The following DMD variants were observed in gnomAD, a reference collection of about 807,000 sequenced individuals.
DMD encodes mutant dystrophin.
DMD carries 63 observed loss-of-function variants against 330.1 expected under a neutral mutation model. That is an observed-to-expected ratio of 0.19 (90% CI 0.16 to 0.24). The LOEUF (loss-of-function observed/expected upper bound fraction) is 0.24. Ranked by LOEUF, DMD falls within the 10% of genes least tolerant of loss-of-function variation. The probability of loss-of-function intolerance (pLI) is 1.00; values close to 1 mark genes in which losing one functional copy is unlikely to be tolerated. For missense variants in DMD, 3,344 were observed against 2,684.1 expected (o/e 1.25, Z -5.43); for synonymous variants, 1,223 against 959.8 (o/e 1.27, Z -5.07).
intron 16 of DMD, among the ~76,000 whole-genome samples, chrX:32,555,427 G>T (rs2050190221): frequency 9.0e-6 from 1 of 111,647 alleles, no homozygotes; most frequent in South Asian, 3.8e-4. Context: ...CATAGTATTG[G>T]AAGTTCTGAC....
At chrX:31,137,867 C>G (rs1423815443) in intron 76 of DMD, among the ~76,000 whole-genome samples, 1 of 111,251 alleles carries the variant, frequency 9.0e-6, no homozygotes, top group African/African-American at 3.3e-5. Flanking sequence ...GCTTTAAGAA[C>G]TGGAGGGTAT....
At chrX:32,117,992 G>A (rs1361748826) in intron 44 of DMD, among the ~76,000 whole-genome samples, 1 of 110,801 alleles carries the variant, frequency 9.0e-6, no homozygotes, top group Non-Finnish European at 1.9e-5. Flanking sequence ...TCAAGTTCAC[G>A]TAAGGCTTAT....
intron 29 of DMD, among the ~76,000 whole-genome samples, chrX:32,437,033 C>A (rs1182618980): frequency 8.9e-6 from 1 of 111,813 alleles, no homozygotes; most frequent in Non-Finnish European, 1.9e-5. Context: ...GATGCAACTG[C>A]TGTCTCCTAC....
chrX:32,113,066 T>G (rs2096595750), intron 44 of DMD, among the ~76,000 whole-genome samples: 1 of 112,800 alleles, frequency 8.9e-6, no homozygotes. Flanking sequence ...CTCAACTATC[T>G]CAATATTGTG....
chrX:33,094,512 G>T (rs758635136), intron 1 of DMD, among the ~76,000 whole-genome samples: 45 of 111,840 alleles, frequency 4.0e-4, no homozygotes, highest in African/African-American at 1.4e-3. Context: ...ATATATTTAA[G>T]AAAGAGCAAG....
chrX:31,546,181 A>T (rs1288165808), intron 55 of DMD, among the ~76,000 whole-genome samples: 1 of 112,741 alleles, frequency 8.9e-6, no homozygotes, highest in Non-Finnish European at 1.9e-5. Context: ...AATATTTATG[A>T]GTACTTAATT....
chrX:33,112,203 T>C (rs2095344584), intron 1 of DMD, among the ~76,000 whole-genome samples: 2 of 111,017 alleles, frequency 1.8e-5, no homozygotes, highest in Non-Finnish European at 3.8e-5. Context: ...GTTATAATTG[T>C]TCTAATATTA....
chrX:31,724,234 T>C (rs1436739643), intron 52 of DMD, among the ~76,000 whole-genome samples: 2 of 112,342 alleles, frequency 1.8e-5, no homozygotes, highest in Non-Finnish European at 3.8e-5. Flanking sequence ...GAGAGGAAGA[T>C]ACTGGCTGGC....
At chrX:31,464,803 C>T (rs2066743627) in intron 59 of DMD, among the ~76,000 whole-genome samples, 1 of 112,572 alleles carries the variant, frequency 8.9e-6, no homozygotes, top group South Asian at 3.7e-4. Context: ...AGTAGGACAA[C>T]TTAATTCAGA....
At chrX:32,859,449 C>T (rs1030379660) in intron 2 of DMD, among the ~76,000 whole-genome samples, 4 of 95,299 alleles carry the variant, frequency 4.2e-5, no homozygotes, top group Admixed American at 1.2e-4. Flanking sequence ...GCCTTTGTGA[C>T]GAAGCAAGAT....
chrX:31,435,635 G>A (rs1281254922), intron 60 of DMD: 1 of 111,768 alleles, frequency 8.9e-6, no homozygotes, highest in Non-Finnish European at 1.9e-5. Flanking sequence ...CTTCTCATGT[G>A]GCCTGAAAGG....
chrX:32,511,771 A>G, intron 18 of DMD, among the ~76,000 whole-genome samples: 1 of 111,134 alleles, frequency 9.0e-6, no homozygotes, highest in Non-Finnish European at 1.9e-5. Flanking sequence ...GTCTACATGC[A>G]TATACATTTT....
chrX:32,408,029 C>T (rs866333188), intron 30 of DMD, among the ~76,000 whole-genome samples: 9 of 107,660 alleles, frequency 8.4e-5, no homozygotes, highest in African/African-American at 2.0e-4. Flanking sequence ...TGTTAAATGA[C>T]GAGTTAATGG....
At chrX:32,848,303 G>A (rs769073216) in intron 3 of DMD, among the ~76,000 whole-genome samples, 8 of 111,938 alleles carry the variant, frequency 7.1e-5, no homozygotes, top group African/African-American at 2.6e-4. Flanking sequence ...GAGATACACA[G>A]ACACACTGAT....
At chrX:31,266,210 C>CG (rs201174077) in intron 62 of DMD, among the ~76,000 whole-genome samples, 45 of 91,584 alleles carry the variant, frequency 4.9e-4, no homozygotes, top group African/African-American at 2.0e-3. Flanking sequence ...ATCCCCACCC[C>CG]CTGAAATCTT....
chrX:31,183,027 G>C, intron 67 of DMD, 123 bp from the exon 68 acceptor site: 1 of 625,423 alleles, frequency 1.6e-6, no homozygotes, highest in South Asian at 3.0e-5. Context: ...AAGAACAATG[G>C]TTGCAAAGCT....
rs773246041 is a variant in DMD at position 31,223,079 on chromosome X, A to G, written c.9329T>C (p.Met3110Thr). The G allele has an allele frequency of 2.5e-6, 3 of 1,211,393 alleles. No homozygotes were observed. Among genetic ancestry groups the G allele is most frequent in the Non-Finnish European group, 3.4e-6 (3 of 895,115 alleles). ...NVRFSAYRTA[M>T]KLRRLQKALC... The stretch of plus-strand genomic sequence containing the variant: ...GGCCTTCTGCAGTCTTCGGAGTTTC[A>G]TGGCAGTCCTATAAGCTGAGAATCT... The change falls in exon 64 of 79, where the codon ATG (methionine) becomes ACG (threonine). Residue 3110 changes from methionine to threonine, a missense_variant. By Grantham distance (81) the Met-to-Thr change is moderately conservative. Transcript: ENST00000357033.
chrX:31,897,873 T>C (rs1376756662), intron 47 of DMD, among the ~76,000 whole-genome samples: 1 of 110,496 alleles, frequency 9.1e-6, no homozygotes, highest in Non-Finnish European at 1.9e-5. Context: ...TTTTGTAGGT[T>C]GCCTGTTCAC....
chrX:31,525,246 T>C (rs769242055), intron 55 of DMD, among the ~76,000 whole-genome samples: 36 of 111,924 alleles, frequency 3.2e-4, no homozygotes, highest in Non-Finnish European at 6.4e-4. Flanking sequence ...TTCTGAAGCA[T>C]TTAAAAGAGG....
Sources: allele counts gnomAD v4.1 joint callset (sites outside exome capture counted in the v4.1 genomes callset), GRCh38; gene constraint gnomAD v4.1.1; transcripts MANE v1.5; gene names NCBI Gene and HGNC (gene_info 2026-07-23, HGNC 2026-07-21).